ARHGAP24: variants seen among roughly 807,000 people sequenced by gnomAD.
ARHGAP24 encodes rho GTPase-activating protein 24.
ARHGAP24 carries 50 observed loss-of-function variants against 76.4 expected under a neutral mutation model. That is an observed-to-expected ratio of 0.65 (90% confidence interval 0.52 to 0.83). The LOEUF (loss-of-function observed/expected upper bound fraction) is 0.83. ARHGAP24 is among the 40% of genes least tolerant of loss of function. ARHGAP24 has a pLI of 0.00. For missense variants in ARHGAP24, 930 were observed against 914.2 expected, an observed-to-expected ratio of 1.02 and a Z score of -0.22; for synonymous variants, 345 against 323.3, an observed-to-expected ratio of 1.07 and a Z score of -0.72.
At chr4:85,580,263 AG>A (rs1413930566) in intron 2 of ARHGAP24, among the ~76,000 whole-genome samples, 1 of 152,134 alleles carries the variant, frequency 6.6e-6, no homozygotes, top group Non-Finnish European at 1.5e-5. Context: ...AGGTGAGCAA[AG>A]ACAAATGAAT....
chr4:85,882,263 T>C (rs1034050538), intron 3 of ARHGAP24, among the ~76,000 whole-genome samples: 12 of 152,176 alleles, frequency 7.9e-5, no homozygotes, highest in African/African-American at 2.7e-4. Context: ...GATTCTCAGT[T>C]TCCTCTTCTT....
intron 3 of ARHGAP24, among the ~76,000 whole-genome samples, chr4:85,751,808 T>C (rs1320524273): frequency 1.3e-5 from 2 of 152,214 alleles, no homozygotes; most frequent in Non-Finnish European, 2.9e-5. Flanking sequence ...GGAAGAAATA[T>C]GGACCTGGAC....
At chr4:85,688,840 T>G (rs559518330) in intron 2 of ARHGAP24, among the ~76,000 whole-genome samples, 2 of 152,266 alleles carry the variant, frequency 1.3e-5, no homozygotes, top group East Asian at 3.9e-4. Context: ...GTGACCTTGT[T>G]GAAGATCTTG....
intron 3 of ARHGAP24, among the ~76,000 whole-genome samples, chr4:85,826,036 CTGAGA>C (rs924403118): frequency 6.6e-6 from 1 of 152,114 alleles, no homozygotes; most frequent in African/African-American, 2.4e-5. Context: ...TGAGAGCTAA[CTGAGA>C]TAATATACAT....
intron 1 of ARHGAP24, among the ~76,000 whole-genome samples, chr4:85,490,047 G>A (rs190631339): frequency 6.6e-6 from 1 of 152,260 alleles, no homozygotes; most frequent in East Asian, 1.9e-4. Flanking sequence ...AATGTGAAAT[G>A]CTAGAATAAT....
In ARHGAP24 at chr4:85,722,079, A is replaced by G. The variant is rs536881833; in HGVS notation, c.268+107A>G. 9.7e-6 allele frequency: 10 copies of G among 1,028,032 alleles called. No homozygotes were observed. The African/African-American group carries it at 1.3e-4, about 13-fold the overall frequency. The allele number at this position is 1,028,032 out of a possible 1,614,324, so 63.7% of individuals were successfully genotyped here. ...TTTTTGAATCATGACTGAGAACCTT[A>G]ATTTGAGGCTTGGTTAGTGTTGACG... On this transcript the variant is annotated intron_variant, in intron 3 of 9. Transcript: ENST00000395184.
intron 2 of ARHGAP24, among the ~76,000 whole-genome samples, chr4:85,691,243 A>G (rs575302183): frequency 2.4e-4 from 37 of 152,238 alleles, no homozygotes; most frequent in African/African-American, 8.2e-4. Context: ...TTTAAAATGT[A>G]TTGAGACTTT....
intron 4 of ARHGAP24, among the ~76,000 whole-genome samples, 178 bp downstream of exon 4, chr4:85,923,948 T>C (rs988488294): frequency 5.3e-5 from 8 of 152,234 alleles, no homozygotes; most frequent in Non-Finnish European, 1.2e-4. Context: ...AAGTTTAATT[T>C]AGATCATGTA....
At chr4:85,557,002 G>T (rs1040066315) in intron 1 of ARHGAP24, among the ~76,000 whole-genome samples, 1 of 152,202 alleles carries the variant, frequency 6.6e-6, no homozygotes, top group Non-Finnish European at 1.5e-5. Flanking sequence ...AGGCAGCTCT[G>T]CCGGGGGTCT....
intron 2 of ARHGAP24, among the ~76,000 whole-genome samples, chr4:85,592,195 T>A (rs1021091604): frequency 1.3e-5 from 2 of 152,186 alleles, no homozygotes; most frequent in African/African-American, 2.4e-5. Flanking sequence ...GAAATATAGA[T>A]TTATAGGGTA....
intron 2 of ARHGAP24, among the ~76,000 whole-genome samples, chr4:85,597,314 A>C (rs564492165): frequency 6.6e-6 from 1 of 152,200 alleles, no homozygotes; most frequent in Admixed American, 6.6e-5. Context: ...TTTCCATCAA[A>C]TATCACCCAC....
chr4:85,963,605 G>C (rs1297321852), intron 5 of ARHGAP24, among the ~76,000 whole-genome samples: 1 of 151,860 alleles, frequency 6.6e-6, no homozygotes, highest in Non-Finnish European at 1.5e-5. Context: ...AAAACACCTT[G>C]GTACTATAAT....
At chr4:85,979,331 C>T (rs1739512323) in intron 8 of ARHGAP24, among the ~76,000 whole-genome samples, 1 of 152,172 alleles carries the variant, frequency 6.6e-6, no homozygotes, top group African/African-American at 2.4e-5. Context: ...GTAAAACACA[C>T]ATAACATGAA....
At chr4:85,741,401 T>A (rs1725822614) in intron 3 of ARHGAP24, among the ~76,000 whole-genome samples, 1 of 152,216 alleles carries the variant, frequency 6.6e-6, no homozygotes, top group South Asian at 2.1e-4. Context: ...AACAGGGTTT[T>A]TGTTTTCATT....
chr4:85,995,734 G>T, intron 9 of ARHGAP24, 77 bp downstream of exon 9: 1 of 1,388,102 alleles, frequency 7.2e-7, no homozygotes, highest in Non-Finnish European at 1.0e-6. Context: ...CACACTGAGG[G>T]TGACATATGC....
chr4:85,918,471 T>C (rs1452268841), intron 3 of ARHGAP24, among the ~76,000 whole-genome samples: 1 of 151,976 alleles, frequency 6.6e-6, no homozygotes, highest in Non-Finnish European at 1.5e-5. Context: ...TTTTTGAAAT[T>C]ATTATTTTGT....
chr4:85,504,541 C>T (rs553384838), intron 1 of ARHGAP24, among the ~76,000 whole-genome samples: 1 of 152,200 alleles, frequency 6.6e-6, no homozygotes, highest in East Asian at 1.9e-4. Flanking sequence ...AGGATTGCAA[C>T]CCCTGCCTTT....
chr4:85,653,444 C>T (rs1020644179), intron 2 of ARHGAP24, among the ~76,000 whole-genome samples: 27 of 151,514 alleles, frequency 1.8e-4, no homozygotes, highest in Non-Finnish European at 3.4e-4. Context: ...TATCATTTAC[C>T]AAATGTGATT....
intron 2 of ARHGAP24, among the ~76,000 whole-genome samples, chr4:85,663,101 C>A (rs2109993938): frequency 6.6e-6 from 1 of 151,940 alleles, no homozygotes; most frequent in Admixed American, 6.6e-5. Flanking sequence ...CTATAAATTA[C>A]CTCGGGCAGT....
Sources: allele counts gnomAD v4.1 joint callset (sites outside exome capture counted in the v4.1 genomes callset), GRCh38; gene constraint gnomAD v4.1.1; transcripts MANE v1.5; gene names NCBI Gene and HGNC (gene_info 2026-07-23, HGNC 2026-07-21).